The following ITIH5 variants were observed in gnomAD, a reference collection of about 807,000 sequenced individuals.
The protein encoded by ITIH5 is inter-alpha-trypsin inhibitor heavy chain 5, also known as inter-alpha-trypsin inhibitor heavy chain H5.
ITIH5 carries 65 observed loss-of-function variants against 77.5 expected under a neutral mutation model. The ratio of observed to expected loss-of-function variants is 0.84; its 90% CI spans 0.69 to 1.03. The LOEUF is 1.03. ITIH5 is among the 50% of genes least tolerant of loss of function. ITIH5 has a pLI of 0.00. For synonymous variants in ITIH5, 525 were observed against 494.3 expected, an observed-to-expected ratio of 1.06 and a Z score of -0.82; for missense variants, 1,208 against 1,213.1, an observed-to-expected ratio of 1.00 and a Z score of 0.06.
rs374656410 is a variant in ITIH5 at position 7,563,398 on chromosome 10, G to A, written c.2528-14C>T. The A allele has an allele frequency of 1.0e-4, 167 of 1,605,712 alleles. No individual in the cohort carries two copies. The Middle Eastern group carries it at 2.0e-3, about 19-fold the overall frequency. On this transcript the variant is annotated splice_polypyrimidine_tract_variant and intron_variant, in intron 13 of 13. Transcript: ENST00000397146. ...TCAGGAACTGACCTGGGAGGACAAG[G>A]AAAAGCATCGGGTCTCAGTCAAATG...
chr10:7,576,004 G>A (rs1294456281), intron 10 of ITIH5, among the ~76,000 whole-genome samples: 1 of 152,078 alleles, frequency 6.6e-6, no homozygotes, highest in Non-Finnish European at 1.5e-5. Context: ...ATTATGAGCT[G>A]TATATAGTGT....
At chr10:7,605,979 A>G (rs542931010) in intron 7 of ITIH5, among the ~76,000 whole-genome samples, 5 of 152,318 alleles carry the variant, frequency 3.3e-5, no homozygotes, top group African/African-American at 1.2e-4. Context: ...CAAGGCTGCA[A>G]TCTGAGCAGG....
chr10:7,585,426 G>A (rs752585822), intron 8 of ITIH5, among the ~76,000 whole-genome samples: 3 of 152,000 alleles, frequency 2.0e-5, no homozygotes, highest in African/African-American at 4.8e-5. Context: ...TTTTACCTCC[G>A]CAACCCTCCC....
rs142992412 is a variant in ITIH5, at chr10:7,581,721, C to CTTTT, written c.1109-1661_1109-1658dup. On this transcript the variant is annotated intron_variant, in intron 8 of 13. Coordinates refer to ENST00000397146, the MANE Select transcript of ITIH5 (RefSeq NM_030569.7). ...TCCCATGTTTTCTTTTCTTTTCCTTCTTTTTTTTTTTTTTTTTTTTTTTAG... is the reference window on the plus strand; with the variant it reads ...TCCCATGTTTTCTTTTCTTTTCCTTCTTTTTTTTTTTTTTTTTTTTTTTTTTTAG... Among the ~76,000 whole-genome samples the CTTTT allele has an allele frequency of 5.6e-3, 565 of 101,666 alleles. 16 individuals carry two copies. Among genetic ancestry groups the CTTTT allele is most frequent in the East Asian group, 0.016 (46 of 2,818 alleles). The allele number at this position is 101,666 out of a possible 152,430, so 66.7% of individuals were successfully genotyped here.
At chr10:7,650,169 A>G (rs1834074669) in intron 2 of ITIH5, among the ~76,000 whole-genome samples, 1 of 152,240 alleles carries the variant, frequency 6.6e-6, no homozygotes, top group African/African-American at 2.4e-5. Flanking sequence ...GTCACCCAAG[A>G]TGCCATCTGG....
intron 8 of ITIH5, among the ~76,000 whole-genome samples, chr10:7,584,481 T>A (rs943342996): frequency 2.6e-5 from 4 of 151,864 alleles, no homozygotes; most frequent in Non-Finnish European, 4.4e-5. Flanking sequence ...CTTTTTGTAT[T>A]TTTAGTAGAG....
chr10:7,572,386 C>T (rs760598753), intron 11 of ITIH5: 2 of 1,366,586 alleles, frequency 1.5e-6, no homozygotes, highest in South Asian at 2.3e-5. Flanking sequence ...TTCTTCCCTT[C>T]TGAAGCCACG....
Position 7,624,950 on chromosome 10 carries a change from C to T in ITIH5, c.653-7668G>A, listed in dbSNP as rs923787744. ...ATTATCCCTTTCTGCCATCACGTGT[C>T]CATTGGAGACCTCAAATACTAGCTG... is the stretch of plus-strand genomic sequence containing the variant. On this transcript the variant is annotated intron_variant, in intron 5 of 13. Coordinates refer to ENST00000397146, the MANE Select transcript of ITIH5 (RefSeq NM_030569.7). Among the ~76,000 whole-genome samples, 3 of 142,774 alleles carry T rather than the reference C, an allele frequency of 2.1e-5. No individual in the cohort carries two copies. The East Asian group carries it at 6.2e-4, about 30-fold the overall frequency. 93.7% of individuals were successfully genotyped at this position (142,774 alleles called of 152,430 possible). A position where few individuals can be genotyped will look rare whatever the true frequency, so the allele number is the denominator to read the frequency against.
chr10:7,652,861 T>C (rs767568507), intron 2 of ITIH5, among the ~76,000 whole-genome samples: 7 of 150,438 alleles, frequency 4.7e-5, no homozygotes, highest in Non-Finnish European at 8.9e-5. Context: ...ATGAGGTGGA[T>C]AAAAAACACA....
intron 1 of ITIH5, among the ~76,000 whole-genome samples, chr10:7,663,263 A>C (rs189029223): frequency 1.3e-5 from 2 of 152,352 alleles, no homozygotes; most frequent in African/African-American, 4.8e-5. Context: ...TCAAATAAGT[A>C]CATTGAGACA....
intron 5 of ITIH5, among the ~76,000 whole-genome samples, chr10:7,624,078 C>A (rs551942248): frequency 1.3e-5 from 2 of 152,280 alleles, no homozygotes; most frequent in East Asian, 3.9e-4. Flanking sequence ...ATTCAATGCT[C>A]TTCCTTCCTA....
intron 11 of ITIH5, chr10:7,570,292 C>A (rs1832271278): frequency 6.6e-6 from 1 of 152,516 alleles, no homozygotes; most frequent in Non-Finnish European, 1.5e-5. Context: ...GTACGCCACC[C>A]CTGCACGCAG....
rs761366531 is a variant in ITIH5 at position 7,566,267 on chromosome 10, T to C, written c.2290A>G (p.Ile764Val). The C allele has an allele frequency of 6.2e-7, 1 of 1,612,722 alleles. No homozygotes were observed. The highest frequency in any genetic ancestry group is 8.5e-7 in the Non-Finnish European group (1 of 1,179,102). Residue 764 changes from isoleucine to valine, a missense_variant, in exon 13 of 14, where the codon ATC becomes GTC. Coordinates refer to ENST00000397146, the MANE Select transcript of ITIH5 (RefSeq NM_030569.7). ...SYLEITPSRV[I>V]LDGGDRLVLP... ...ACCAGTCTGTCCCCACCATCCAAGATGACTCTGCTCGGTGTGATCTCGAGA... is the reference window on the plus strand; with the variant it reads ...ACCAGTCTGTCCCCACCATCCAAGACGACTCTGCTCGGTGTGATCTCGAGA...
chr10:7,656,862 G>C (rs1834192748), intron 1 of ITIH5, among the ~76,000 whole-genome samples: 1 of 150,478 alleles, frequency 6.6e-6, no homozygotes, highest in African/African-American at 2.5e-5. Context: ...TCCTGCCTCA[G>C]CCTCTGGAGT....
rs148873952 is a variant in ITIH5, at chr10:7,575,588, G to A, written c.1978+865C>T. Among the ~76,000 whole-genome samples the A allele has an allele frequency of 1.4e-3, 212 of 152,112 alleles. 1 individual carries two copies. The highest frequency in any genetic ancestry group is 4.7e-3 in the African/African-American group (197 of 41,478). On this transcript the variant is annotated intron_variant, in intron 10 of 13. Coordinates refer to ENST00000397146, the MANE Select transcript of ITIH5 (RefSeq NM_030569.7). The stretch of plus-strand genomic sequence containing the variant: ...ACTGTGTTTCCTTTCTCTTGTTCTC[G>A]TCTCTACTCATCCCCGCAGCAGAAT...
At chr10:7,593,095 A>T (rs902459471) in intron 7 of ITIH5, among the ~76,000 whole-genome samples, 3 of 151,568 alleles carry the variant, frequency 2.0e-5, no homozygotes, top group African/African-American at 7.3e-5. Flanking sequence ...TTAAGCTGGC[A>T]TTTTTTTTTC....
At chr10:7,567,313 A>G (rs1832205861) in intron 12 of ITIH5, among the ~76,000 whole-genome samples, 1 of 126,532 alleles carries the variant, frequency 7.9e-6, no homozygotes, top group Non-Finnish European at 1.6e-5. Flanking sequence ...CCTAATTCGG[A>G]CATCTTTTAT....
At chr10:7,646,143 T>C (rs1290334331) in intron 2 of ITIH5, among the ~76,000 whole-genome samples, 1 of 152,230 alleles carries the variant, frequency 6.6e-6, no homozygotes, top group Non-Finnish European at 1.5e-5. Flanking sequence ...GCATCTAGAA[T>C]ACCACTGCAC....
intron 7 of ITIH5, among the ~76,000 whole-genome samples, chr10:7,594,019 T>C (rs570965557): frequency 6.6e-6 from 1 of 152,324 alleles, no homozygotes; most frequent in Non-Finnish European, 1.5e-5. Flanking sequence ...GGAGCTGATC[T>C]TTCTGCACAT....
Sources: allele counts gnomAD v4.1 joint callset (sites outside exome capture counted in the v4.1 genomes callset), GRCh38; gene constraint gnomAD v4.1.1; transcripts MANE v1.5; gene names NCBI Gene and HGNC (gene_info 2026-07-23, HGNC 2026-07-21).